The following TMEM108 variants were observed in gnomAD, a reference collection of about 807,000 sequenced individuals.
TMEM108 encodes cancer/testis antigen 124.
TMEM108 carries 12 observed loss-of-function variants against 35.1 expected under a neutral mutation model. The observed-to-expected ratio is 0.34, with a 90% confidence interval of 0.22 to 0.55. The LOEUF (loss-of-function observed/expected upper bound fraction) is 0.55. TMEM108 is among the 20% of genes least tolerant of loss of function. TMEM108 has a pLI of 0.89. For missense variants in TMEM108, 680 were observed against 753.3 expected (o/e 0.90, Z 1.14); for synonymous variants, 287 against 308.6 (o/e 0.93, Z 0.73).
At chr3:133,387,314 A>G (rs1036679757) in intron 4 of TMEM108, 5 of 985,464 alleles carry the variant, frequency 5.1e-6, no homozygotes, top group South Asian at 4.7e-5. Flanking sequence ...CAGAGTCACA[A>G]TTTGAACCTA....
chr3:133,364,315 G>A (rs1461138779), intron 3 of TMEM108, among the ~76,000 whole-genome samples: 2 of 152,214 alleles, frequency 1.3e-5, no homozygotes, highest in African/African-American at 2.4e-5. Context: ...CCATAGCATA[G>A]GCAATGCTTA....
chr3:133,350,605 AC>A (rs2071965241), intron 3 of TMEM108, among the ~76,000 whole-genome samples: 1 of 152,152 alleles, frequency 6.6e-6, no homozygotes. Context: ...AATCTAGAAA[AC>A]AAATGGAGAA....
intron 3 of TMEM108, among the ~76,000 whole-genome samples, chr3:133,270,983 A>G (rs1946763707): frequency 6.6e-6 from 1 of 152,162 alleles, no homozygotes; most frequent in Admixed American, 6.5e-5. Context: ...CCCCCAAGCC[A>G]TCCTCTTGAC....
At chr3:133,121,388 A>C (rs1045987925) in intron 2 of TMEM108, among the ~76,000 whole-genome samples, 2 of 152,224 alleles carry the variant, frequency 1.3e-5, no homozygotes, top group South Asian at 2.1e-4. Flanking sequence ...CAATATCTAG[A>C]ATATGCTCTT....
chr3:133,090,336 T>A (rs1466798996), intron 2 of TMEM108, among the ~76,000 whole-genome samples: 1 of 152,240 alleles, frequency 6.6e-6, no homozygotes, highest in Non-Finnish European at 1.5e-5. Context: ...GTCATTCTTA[T>A]TGCTTGATAA....
At chr3:133,362,683 T>C (rs1412023372) in intron 3 of TMEM108, among the ~76,000 whole-genome samples, 1 of 152,188 alleles carries the variant, frequency 6.6e-6, no homozygotes, top group Non-Finnish European at 1.5e-5. Context: ...CTCCCCTAGC[T>C]TATGGTGCTC....
At chr3:133,080,118 TC>T (rs1164771308) in intron 2 of TMEM108, among the ~76,000 whole-genome samples, 1 of 152,130 alleles carries the variant, frequency 6.6e-6, no homozygotes, top group African/African-American at 2.4e-5. Flanking sequence ...TGCCTAAGCT[TC>T]CCTACACATG....
At chr3:133,194,791 G>A (rs1945553321) in intron 2 of TMEM108, among the ~76,000 whole-genome samples, 1 of 152,134 alleles carries the variant, frequency 6.6e-6, no homozygotes, top group Admixed American at 6.6e-5. Context: ...TTTAAATCCT[G>A]TACAGCAAAT....
At position 133,381,318 on chromosome 3, in the gene TMEM108, C is replaced by G. The variant is rs115333468; in HGVS notation, c.1450+157C>G. 5.3e-3 allele frequency among the ~76,000 whole-genome samples: 804 copies of G among 152,366 alleles called. 3 individuals are homozygous for G. Among genetic ancestry groups the G allele is most frequent in the Non-Finnish European group, 9.9e-3 (675 of 68,038 alleles). Reference sequence around the variant, plus strand: ...GTATCAGGACAGGTTATCCCTGACCCTAGTCCTCAGCTCTGCCTGGCCATG... The same window carrying G: ...GTATCAGGACAGGTTATCCCTGACCGTAGTCCTCAGCTCTGCCTGGCCATG... On this transcript the variant is annotated intron_variant, in intron 4 of 5. Transcript: ENST00000321871.
chr3:133,149,443 A>G (rs1445198863), intron 2 of TMEM108, among the ~76,000 whole-genome samples: 2 of 152,164 alleles, frequency 1.3e-5, no homozygotes, highest in Admixed American at 1.3e-4. Flanking sequence ...ACTATGCTGT[A>G]TATTTGATCA....
At chr3:133,393,768 A>G (rs1222762759) in intron 5 of TMEM108, among the ~76,000 whole-genome samples, 1 of 152,246 alleles carries the variant, frequency 6.6e-6, no homozygotes, top group Admixed American at 6.5e-5. Context: ...TCTCTTTGCA[A>G]ATTGGTAAAT....
At chr3:133,308,709 G>A (rs2071081912) in intron 3 of TMEM108, among the ~76,000 whole-genome samples, 1 of 152,230 alleles carries the variant, frequency 6.6e-6, no homozygotes, top group Non-Finnish European at 1.5e-5. Flanking sequence ...GCGGGGTGAA[G>A]CCTACTTGAT....
intron 3 of TMEM108, among the ~76,000 whole-genome samples, chr3:133,242,804 C>CTCAAAG (rs1299490083): frequency 3.3e-5 from 5 of 152,156 alleles, no homozygotes; most frequent in Non-Finnish European, 7.4e-5. Flanking sequence ...AAGATGTTCT[C>CTCAAAG]TCAAAGTCAC....
At chr3:133,045,632 G>A (rs151144944) in intron 1 of TMEM108, among the ~76,000 whole-genome samples, 40 of 152,344 alleles carry the variant, frequency 2.6e-4, no homozygotes, top group Admixed American at 7.2e-4. Flanking sequence ...CTGGAATGGA[G>A]AGGACCCATA....
chr3:133,380,632 T>C lies in TMEM108; in HGVS notation c.921T>C (p.Pro307=), dbSNP rs1305762180. 1.2e-6 allele frequency: 2 copies of C among 1,613,812 alleles called. No individual in the cohort carries two copies. The highest frequency in any genetic ancestry group is 1.7e-6 in the Non-Finnish European group (2 of 1,179,896). ...TPDATAASGA[P]VSPQAAPVPS... is the part of the protein sequence containing the mutation. ...ATGCCACAGCAGCCTCAGGTGCCCC[T>C]GTCAGTCCACAAGCTGCCCCAGTGC... Residue 307 remains proline, a synonymous_variant, in exon 4 of 6, where the codon CCT becomes CCC. Transcript: ENST00000321871. The surrounding 1 kb of genome is among the most constrained non-coding windows in gnomAD (Gnocchi z 5.3).
intron 2 of TMEM108, among the ~76,000 whole-genome samples, chr3:133,101,299 T>C (rs1354661227): frequency 6.6e-6 from 1 of 152,244 alleles, no homozygotes; most frequent in Non-Finnish European, 1.5e-5. Context: ...ACTCTACAAA[T>C]GATGTTCCCT....
chr3:133,050,599 A>G (rs143485804), intron 2 of TMEM108, among the ~76,000 whole-genome samples: 259 of 152,164 alleles, frequency 1.7e-3, no homozygotes, highest in Non-Finnish European at 2.2e-3. Context: ...AATCACATGT[A>G]TCCATCATTA....
rs186895344 is a variant in TMEM108, at chr3:133,356,727, C to A, written c.41-23025C>A. ...AAAAACATAAACTGGGGAAAAGACA[C>A]CCTATTTAATAAATGGTGCTGGGAA... On this transcript the variant is annotated intron_variant, in intron 3 of 5. Transcript: ENST00000321871. 6.8e-3 allele frequency among the ~76,000 whole-genome samples: 1,028 copies of A among 152,176 alleles called. 17 individuals are homozygous for A. The highest frequency in any genetic ancestry group is 0.023 in the African/African-American group (962 of 41,528).
chr3:133,173,327 G>C (rs2107792506), intron 2 of TMEM108, among the ~76,000 whole-genome samples: 1 of 152,340 alleles, frequency 6.6e-6, no homozygotes, highest in African/African-American at 2.4e-5. Flanking sequence ...ATGTACACAT[G>C]TGAAATTTGT....
Sources: allele counts gnomAD v4.1 joint callset (sites outside exome capture counted in the v4.1 genomes callset), GRCh38; gene constraint gnomAD v4.1.1; non-coding constraint Gnocchi (gnomAD v3.1); transcripts MANE v1.5; gene names NCBI Gene and HGNC (gene_info 2026-07-23, HGNC 2026-07-21).